Variants in BMX observed in about 807,000 individuals in gnomAD.
BMX encodes cytoplasmic tyrosine-protein kinase BMX.
In BMX, 31 loss-of-function variants were observed where a neutral mutation model predicts 59.2. That is an observed-to-expected ratio of 0.52 (90% CI 0.39 to 0.71). The LOEUF (loss-of-function observed/expected upper bound fraction) is 0.71, where lower values mean the gene tolerates loss of function less well. BMX is among the 30% of genes least tolerant of loss of function. The pLI is 0.00. For missense variants in BMX, 474 were observed against 491.7 expected (o/e 0.96, Z 0.34); for synonymous variants, 185 against 181.0 (o/e 1.02, Z -0.18).
intron 6 of BMX, among the ~76,000 whole-genome samples, chrX:15,518,506 T>C (rs770102451): frequency 8.9e-6 from 1 of 112,151 alleles, no homozygotes; most frequent in Non-Finnish European, 1.9e-5. Flanking sequence ...CCAAATTCCA[T>C]AGTTTTGCAG....
chrX:15,518,169 A>G (rs1439602685), intron 6 of BMX, among the ~76,000 whole-genome samples, 176 bp downstream of exon 6: 2 of 110,899 alleles, frequency 1.8e-5, no homozygotes, highest in Non-Finnish European at 3.8e-5. Context: ...TCAAATATAG[A>G]ACCATTGTAA....
intron 9 of BMX, among the ~76,000 whole-genome samples, chrX:15,527,495 T>C (rs1337513867): frequency 2.7e-5 from 3 of 109,603 alleles, no homozygotes; most frequent in African/African-American, 1.0e-4. Context: ...GACAAATAAT[T>C]GTCTCCTAGA....
rs777352993 is a variant in BMX at position 15,502,621 on chromosome X, T to C, written c.-10+1681T>C. Among the ~76,000 whole-genome samples the C allele has an allele frequency of 5.3e-5, 6 of 112,187 alleles. No homozygotes were observed. The East Asian group carries it at 1.4e-3, about 26-fold the overall frequency. On this transcript the variant is annotated intron_variant, in intron 1 of 18. Transcript: ENST00000348343. ...GTCAATGTTAAAAGATTTCTGTCCA[T>C]ATCATGCCAAGATCAACTTTAACTT...
At position 15,556,438 on chromosome X, in the gene BMX, G is replaced by C. The variant is rs2147150661; in HGVS notation, c.*291G>C. The C allele has an allele frequency of 1.6e-5, 3 of 190,193 alleles. No individual in the cohort carries two copies. In the East Asian group the frequency reaches 2.9e-4, roughly 18 times the overall value. 15.7% of individuals were successfully genotyped at this position (190,193 alleles called of 1,213,427 possible). A position where few individuals can be genotyped will look rare whatever the true frequency, so the allele number is the denominator to read the frequency against. Reference sequence around the variant, plus strand: ...TGTGTTCATGTGTAAAGACTGAGCAGAACTGAAAAATTACTTATTGGATAT... The same window carrying C: ...TGTGTTCATGTGTAAAGACTGAGCACAACTGAAAAATTACTTATTGGATAT... On this transcript the variant is annotated 3_prime_UTR_variant, in exon 19 of 19. Coordinates refer to ENST00000348343, the MANE Select transcript of BMX (RefSeq NM_203281.3).
At chrX:15,529,872 G>T in intron 9 of BMX, 101 bp from the exon 10 acceptor site, 1 of 719,075 alleles carries the variant, frequency 1.4e-6, no homozygotes, top group East Asian at 3.3e-5. Context: ...GGAAACCCCT[G>T]AGGTAAGCCA....
At chrX:15,555,367 G>C (rs1176527130) in intron 18 of BMX, among the ~76,000 whole-genome samples, 2 of 108,661 alleles carry the variant, frequency 1.8e-5, no homozygotes, top group Admixed American at 2.0e-4. Context: ...CACAACCACA[G>C]CTGGCTAATT....
chrX:15,528,777 G>A (rs1003933625), intron 9 of BMX, among the ~76,000 whole-genome samples: 4 of 112,094 alleles, frequency 3.6e-5, no homozygotes, highest in East Asian at 5.6e-4. Flanking sequence ...CACAGGCAAC[G>A]TTTGTATGTG....
chrX:15,536,984 G>C (rs577898725), intron 13 of BMX, 150 bp from the exon 14 acceptor site: 21 of 620,828 alleles, frequency 3.4e-5, no homozygotes, highest in Admixed American at 6.4e-5. Context: ...CATCACTAAG[G>C]GTTTTTTTTT....
intron 14 of BMX, among the ~76,000 whole-genome samples, chrX:15,539,690 C>T (rs1216653014): frequency 8.9e-6 from 1 of 112,269 alleles, no homozygotes; most frequent in African/African-American, 3.2e-5. Flanking sequence ...GATTTCTTTA[C>T]ACATTTGAAC....
chrX:15,527,992 G>T (rs1459823320), intron 9 of BMX, among the ~76,000 whole-genome samples: 1 of 112,623 alleles, frequency 8.9e-6, no homozygotes, highest in Non-Finnish European at 1.9e-5. Context: ...TCTAATTGTG[G>T]ATTGTACTCT....
chrX:15,518,891 G>A (rs949125682), intron 6 of BMX, among the ~76,000 whole-genome samples: 1 of 111,837 alleles, frequency 8.9e-6, no homozygotes, highest in African/African-American at 3.3e-5. Context: ...TATGACAGGG[G>A]AGAGATCTTG....
rs769454968 is a variant in BMX at position 15,541,506 on chromosome X, AAAATC to A, written c.1395-472_1395-468del. On this transcript the variant is annotated intron_variant, in intron 14 of 18. Transcript: ENST00000348343. ...TAAAATAATTTTTTAAAAAAGAAAA[AAAATC>A]AAACCTCATCTGACTTCATTTAGCC... 8.2e-3 allele frequency among the ~76,000 whole-genome samples: 923 copies of A among 112,325 alleles called. 6 individuals carry two copies. Among genetic ancestry groups the A allele is most frequent in the Non-Finnish European group, 0.013 (691 of 53,235 alleles).
At chrX:15,506,535 C>G (rs1188751363) in intron 1 of BMX, among the ~76,000 whole-genome samples, 1 of 112,030 alleles carries the variant, frequency 8.9e-6, no homozygotes, top group Non-Finnish European at 1.9e-5. Flanking sequence ...GATATTGCCT[C>G]CCCAAAGGAG....
intron 6 of BMX, among the ~76,000 whole-genome samples, chrX:15,518,837 A>G (rs1225646243): frequency 7.2e-5 from 8 of 111,060 alleles, no homozygotes; most frequent in African/African-American, 2.3e-4. Context: ...CTCATGGGAG[A>G]CTTTTAGGAA....
In BMX at chrX:15,526,198, G is replaced by A. The variant is rs764625158; in HGVS notation, c.884+103G>A. ...CAGATGGCTGAGACCGTCTCAGGAG[G>A]CTGTATTTACATGGGTAAACTCACG... On this transcript the variant is annotated intron_variant, in intron 9 of 18. Coordinates refer to ENST00000348343, the MANE Select transcript of BMX (RefSeq NM_203281.3). 247 of 719,618 alleles carry A rather than the reference G, an allele frequency of 3.4e-4. 2 individuals carry two copies. Among genetic ancestry groups the A allele is most frequent in the Non-Finnish European group, 6.2e-5 (31 of 499,799 alleles). The allele number at this position is 719,618 out of a possible 1,213,427, so 59.3% of individuals were successfully genotyped here. A position where few individuals can be genotyped will look rare whatever the true frequency, so the allele number is the denominator to read the frequency against.
chrX:15,510,319 C>G (rs1923904407), intron 3 of BMX, among the ~76,000 whole-genome samples: 2 of 111,133 alleles, frequency 1.8e-5, no homozygotes, highest in South Asian at 7.6e-4. Context: ...GTATTAGGAA[C>G]CTGTGGCCAA....
intron 6 of BMX, among the ~76,000 whole-genome samples, chrX:15,518,864 A>AT (rs1206970527): frequency 8.9e-6 from 1 of 111,989 alleles, no homozygotes; most frequent in Admixed American, 9.4e-5. Context: ...ACTGAAGGGC[A>AT]GATCCATATG....
intron 18 of BMX, among the ~76,000 whole-genome samples, chrX:15,551,272 T>G (rs1258571076): frequency 9.0e-6 from 1 of 111,722 alleles, no homozygotes; most frequent in Non-Finnish European, 1.9e-5. Context: ...ATTTATTCAC[T>G]AGTAAAAGGC....
chrX:15,508,961 C>T (rs1179028058), intron 2 of BMX, among the ~76,000 whole-genome samples: 2 of 112,140 alleles, frequency 1.8e-5, no homozygotes, highest in Admixed American at 9.4e-5. Flanking sequence ...TATTCCTGTA[C>T]AGTTGAGAAT....
Sources: gnomAD v4.1 joint callset for allele counts (sites outside exome capture counted in the v4.1 genomes callset) on GRCh38, gnomAD v4.1.1 for gene constraint, MANE v1.5 for transcripts, NCBI Gene and HGNC (gene_info 2026-07-23, HGNC 2026-07-21) for gene names.